Variants in FCHSD2 observed in about 807,000 individuals in gnomAD.
FCHSD2 encodes the protein FCH and double SH3 domains 2, also known as F-BAR and double SH3 domains protein 2.
A neutral mutation model predicts 108.1 loss-of-function variants in FCHSD2; 38 were observed. That is an observed-to-expected ratio of 0.35 (90% CI 0.27 to 0.46). FCHSD2 has a LOEUF of 0.46. FCHSD2 is among the 20% of genes least tolerant of loss of function. The pLI is 1.00. For synonymous variants in FCHSD2, 279 were observed against 314.7 expected (o/e 0.89, Z 1.20); for missense variants, 751 against 897.8 (o/e 0.84, Z 2.09).
chr11:72,920,983 C>A (rs1458632659), intron 9 of FCHSD2, among the ~76,000 whole-genome samples: 1 of 151,880 alleles, frequency 6.6e-6, no homozygotes, highest in Non-Finnish European at 1.5e-5. Context: ...AGAGTCTGTG[C>A]TTTTCTTTCC....
intron 6 of FCHSD2, among the ~76,000 whole-genome samples, chr11:72,987,712 C>T (rs1857336645): frequency 6.6e-6 from 1 of 152,198 alleles, no homozygotes; most frequent in African/African-American, 2.4e-5. Flanking sequence ...TGCTCATGTT[C>T]ATCCTGTGGG....
At chr11:73,141,522 C>T (rs1240790548) in intron 1 of FCHSD2, among the ~76,000 whole-genome samples, 50 of 152,342 alleles carry the variant, frequency 3.3e-4, no homozygotes, top group Non-Finnish European at 4.4e-5. Flanking sequence ...GCTGCAGGGG[C>T]GTCCCCGCCT....
At chr11:73,031,508 G>C (rs1858360392) in intron 3 of FCHSD2, among the ~76,000 whole-genome samples, 1 of 151,994 alleles carries the variant, frequency 6.6e-6, no homozygotes, top group African/African-American at 2.4e-5. Flanking sequence ...ATAAAGCAGT[G>C]GTTACCAGGA....
At chr11:73,025,397 C>A (rs1336819394) in intron 3 of FCHSD2, among the ~76,000 whole-genome samples, 1 of 152,010 alleles carries the variant, frequency 6.6e-6, no homozygotes, top group East Asian at 1.9e-4. Flanking sequence ...GAAAAGAAAA[C>A]CAAATACCAC....
intron 8 of FCHSD2, among the ~76,000 whole-genome samples, chr11:72,968,139 T>C (rs527563693): frequency 5.9e-5 from 9 of 151,754 alleles, no homozygotes; most frequent in Admixed American, 3.3e-4. Context: ...ATAAGGCCTT[T>C]GGAATTATCT....
chr11:72,938,706 A>T (rs1856353562), intron 8 of FCHSD2, among the ~76,000 whole-genome samples: 1 of 152,202 alleles, frequency 6.6e-6, no homozygotes, highest in Non-Finnish European at 1.5e-5. Flanking sequence ...CTACACAAAC[A>T]GTAGAGAGGA....
intron 8 of FCHSD2, among the ~76,000 whole-genome samples, chr11:72,926,956 CCTAA>C (rs1300233158): frequency 4.6e-5 from 7 of 152,158 alleles, no homozygotes; most frequent in Non-Finnish European, 1.0e-4. Context: ...ACTAGTAGTA[CCTAA>C]CTACTTATAT....
chr11:73,076,601 C>A (rs1859557564), intron 3 of FCHSD2, among the ~76,000 whole-genome samples: 1 of 152,148 alleles, frequency 6.6e-6, no homozygotes, highest in Non-Finnish European at 1.5e-5. Context: ...TGTTCTAAAA[C>A]TGAATTGTGC....
chr11:73,090,021 A>G (rs1274830797), intron 2 of FCHSD2, among the ~76,000 whole-genome samples: 3 of 152,168 alleles, frequency 2.0e-5, no homozygotes, highest in Non-Finnish European at 2.9e-5. Context: ...GTTAGTAATC[A>G]GGAATATACC....
intron 5 of FCHSD2, among the ~76,000 whole-genome samples, chr11:72,991,956 A>G (rs1857423698): frequency 1.3e-5 from 2 of 152,202 alleles, no homozygotes; most frequent in African/African-American, 4.8e-5. Context: ...AATTAGGAAA[A>G]GAGGAAGTCA....
chr11:73,000,942 A>G (rs757634784), intron 5 of FCHSD2, 48 bp downstream of exon 5: 93 of 1,483,902 alleles, frequency 6.3e-5, no homozygotes, highest in Non-Finnish European at 2.3e-5. Flanking sequence ...TTATAAATGT[A>G]GCACTGGGAT....
intron 8 of FCHSD2, among the ~76,000 whole-genome samples, chr11:72,958,913 G>A (rs772633556): frequency 3.9e-5 from 6 of 152,014 alleles, no homozygotes; most frequent in Non-Finnish European, 7.4e-5. Flanking sequence ...GGAAACAGAA[G>A]CACTGGAATA....
At chr11:73,015,493 A>G (rs1857951186) in intron 4 of FCHSD2, among the ~76,000 whole-genome samples, 2 of 152,120 alleles carry the variant, frequency 1.3e-5, no homozygotes, top group African/African-American at 4.8e-5. Flanking sequence ...GTGTTTCATC[A>G]TAGGTCACTC....
At position 72,975,511 on chromosome 11, in the gene FCHSD2, G is replaced by C. The variant is rs509597; in HGVS notation, c.705+8577C>G. The stretch of plus-strand genomic sequence containing the variant: ...CTAAAACAGGTAGGAGAGAAGATTT[G>C]GAAATGTTCTCAACACTCCATGATA... On this transcript the variant is annotated intron_variant, in intron 8 of 19. Coordinates refer to ENST00000409418, the MANE Select transcript of FCHSD2 (RefSeq NM_014824.3). Among the ~76,000 whole-genome samples, 465 of 152,138 alleles carry C rather than the reference G, an allele frequency of 3.1e-3. 1 individual carries two copies. Among genetic ancestry groups the C allele is most frequent in the African/African-American group, 0.011 (445 of 41,518 alleles).
In FCHSD2 at chr11:72,921,073, CA is replaced by C. The variant is rs201371746; in HGVS notation, c.828+754del. Among the ~76,000 whole-genome samples the C allele has an allele frequency of 8.9e-3, 1,168 of 131,768 alleles. 10 individuals carry two copies. Among genetic ancestry groups the C allele is most frequent in the African/African-American group, 0.03 (1,075 of 35,358 alleles). 86.4% of individuals were successfully genotyped at this position (131,768 alleles called of 152,430 possible). On this transcript the variant is annotated intron_variant, in intron 9 of 19. Coordinates refer to ENST00000409418, the MANE Select transcript of FCHSD2 (RefSeq NM_014824.3). ...ATTAGCCAGTTCTCACTCTCCCTGA[CA>C]AAAAAAAAAAATTGAACTGGATCTT...
chr11:73,052,907 T>G (rs757913839), intron 3 of FCHSD2, among the ~76,000 whole-genome samples: 1 of 152,092 alleles, frequency 6.6e-6, no homozygotes, highest in East Asian at 1.9e-4. Flanking sequence ...AGAGCAGTGG[T>G]GTGGTGTCAG....
rs1860781689 is a variant in FCHSD2 at position 72,837,882 on chromosome 11, G to C, written c.*909C>G. 2 of 152,206 alleles carry C rather than the reference G, an allele frequency of 1.3e-5. No individual in the cohort carries two copies. Among genetic ancestry groups the C allele is most frequent in the African/African-American group, 4.8e-5 (2 of 41,436 alleles). The allele number at this position is 152,206 out of a possible 1,614,324, so 9.4% of individuals were successfully genotyped here. On this transcript the variant is annotated 3_prime_UTR_variant, in exon 20 of 20. Transcript: ENST00000409418. ...ATAAAATAATGCCGGGGCGTCCCCA[G>C]TAGAGAAGCTCAACAATGCAGGTAT...
chr11:73,139,220 C>T (rs937924180), intron 2 of FCHSD2, among the ~76,000 whole-genome samples: 1 of 152,154 alleles, frequency 6.6e-6, no homozygotes, highest in African/African-American at 2.4e-5. Flanking sequence ...GAAACCAACA[C>T]GAAGTTAGTG....
At chr11:73,035,919 C>T (rs1858485487) in intron 3 of FCHSD2, among the ~76,000 whole-genome samples, 1 of 151,824 alleles carries the variant, frequency 6.6e-6, no homozygotes, top group African/African-American at 2.4e-5. Context: ...CAGGGTTTCA[C>T]CATGTTGGCC....
Sources: gnomAD v4.1 joint callset for allele counts (sites outside exome capture counted in the v4.1 genomes callset) on GRCh38, gnomAD v4.1.1 for gene constraint, MANE v1.5 for transcripts, NCBI Gene and HGNC (gene_info 2026-07-23, HGNC 2026-07-21) for gene names.